The following PLAA variants were observed in gnomAD, a reference collection of about 807,000 sequenced individuals.
PLAA encodes phospholipase A2 activating protein, also known as phospholipase A-2-activating protein.
A neutral mutation model predicts 84.1 loss-of-function variants in PLAA; 48 were observed. The ratio of observed to expected loss-of-function variants is 0.57; its 90% CI spans 0.45 to 0.73. The LOEUF (loss-of-function observed/expected upper bound fraction) is 0.73. Among genes scored for constraint, PLAA ranks in the 30% least tolerant of loss-of-function variants. The pLI, the probability that PLAA is intolerant of heterozygous loss-of-function variation, is 0.00. For synonymous variants in PLAA, 392 were observed against 336.6 expected, an observed-to-expected ratio of 1.16 and a Z score of -1.80; for missense variants, 903 against 954.7, an observed-to-expected ratio of 0.95 and a Z score of 0.71.
rs1197939564 is a variant in PLAA, at chr9:26,905,826, T to A, written c.2073A>T (p.Lys691Asn). 6.2e-7 allele frequency: 1 copy of A among 1,614,204 alleles called. No individual in the cohort carries two copies. The highest frequency in any genetic ancestry group is 8.5e-7 in the Non-Finnish European group (1 of 1,180,028). The change falls in exon 14 of 14, where the codon AAA becomes AAT. Residue 691 changes from lysine to asparagine, a missense_variant. Physicochemically the swap from Lys to Asn is moderately conservative, Grantham distance 94. Transcript: ENST00000397292. ...TGTGAATGTTCTTATTGCTCCCTGATTTCAGTTCTATTGCATGGGACATCA... is the reference window on the plus strand; with the variant it reads ...TGTGAATGTTCTTATTGCTCCCTGAATTCAGTTCTATTGCATGGGACATCA... ...ESLMSHAIEL[K>N]SGSNKNIHIA...
chr9:26,946,940 A>T lies in PLAA; in HGVS notation c.106T>A (p.Ser36Thr), dbSNP rs1226150095. The change falls in exon 1 of 14, where the codon TCC becomes ACC. Residue 36 changes from serine to threonine, a missense_variant. Transcript: ENST00000397292. ...CCAYPPGAFV[S>T]VSRDRTTRLW... ...CGGGTGGTGCGGTCTCGGGACACGGACACAAAGGCTCCCGGCGGATAGGCG... is the reference window on the plus strand; with the variant it reads ...CGGGTGGTGCGGTCTCGGGACACGGTCACAAAGGCTCCCGGCGGATAGGCG... 6.3e-7 allele frequency: 1 copy of T among 1,585,574 alleles called. No homozygotes were observed. The highest frequency in any genetic ancestry group is 8.6e-7 in the Non-Finnish European group (1 of 1,165,726).
At chr9:26,929,286 T>C (rs1006090407) in intron 2 of PLAA, among the ~76,000 whole-genome samples, 2 of 152,022 alleles carry the variant, frequency 1.3e-5, no homozygotes, top group African/African-American at 4.8e-5. Context: ...GCTCAGGAGT[T>C]TGAGACCAGC....
chr9:26,936,302 T>C (rs1465470119), intron 1 of PLAA, among the ~76,000 whole-genome samples: 1 of 150,670 alleles, frequency 6.6e-6, no homozygotes, highest in Non-Finnish European at 1.5e-5. Context: ...TACAGAAAAG[T>C]AGTAAGGGCC....
At chr9:26,942,887 A>AAAAAG (rs1825585184) in intron 1 of PLAA, among the ~76,000 whole-genome samples, 1 of 151,538 alleles carries the variant, frequency 6.6e-6, no homozygotes, top group African/African-American at 2.4e-5. Context: ...CAAAAAAAAA[A>AAAAAG]AAAAAAAAAA....
At chr9:26,934,956 T>C in intron 2 of PLAA, 57 bp downstream of exon 2, 1 of 1,267,106 alleles carries the variant, frequency 7.9e-7, no homozygotes, top group South Asian at 1.4e-5. Flanking sequence ...ATGTAAATTT[T>C]ACTTTCAAAG....
intron 10 of PLAA, chr9:26,915,961 T>C (rs1457405226): frequency 2.6e-5 from 26 of 985,344 alleles, no homozygotes; most frequent in Admixed American, 6.1e-5. Context: ...TTCAGATCCT[T>C]ACTACCATTT....
At position 26,935,227 on chromosome 9, in the gene PLAA, A is replaced by G. The variant is rs772865761; in HGVS notation, c.150-21T>C. 4.7e-6 allele frequency: 7 copies of G among 1,478,326 alleles called. No individual in the cohort carries two copies. The East Asian group carries it at 1.5e-4, about 31-fold the overall frequency. The allele number at this position is 1,478,326 out of a possible 1,614,324, so 91.6% of individuals were successfully genotyped here. A position where few individuals can be genotyped will look rare whatever the true frequency, so the allele number is the denominator to read the frequency against. On this transcript the variant is annotated intron_variant, in intron 1 of 13. Transcript: ENST00000397292. ...TTGGACTGGAAAGACAAGATAATTA[A>G]TAGATACATATTCGTACCCTGACTT...
In PLAA at chr9:26,904,566, T is replaced by G. The variant is rs1177456950; in HGVS notation, c.*945A>C. 6 of 152,116 alleles carry G rather than the reference T, an allele frequency of 3.9e-5. No homozygotes were observed. Among genetic ancestry groups the G allele is most frequent in the Non-Finnish European group, 4.4e-5 (3 of 67,996 alleles). The allele number at this position is 152,116 out of a possible 1,614,324, so 9.4% of individuals were successfully genotyped here. ...TTATGTCTACTTCTGAAAGCAGAGA[T>G]AATACTGGCCCTCATTTAAAGGGGT... On this transcript the variant is annotated 3_prime_UTR_variant, in exon 14 of 14. Transcript: ENST00000397292.
At chr9:26,920,105 T>C in intron 8 of PLAA, 122 bp downstream of exon 8, 2 of 703,594 alleles carry the variant, frequency 2.8e-6, no homozygotes, top group Non-Finnish European at 4.6e-6. Context: ...AAGATTAGTT[T>C]CCCACAGTAA....
chr9:26,905,966 T>G lies in PLAA; in HGVS notation c.1933A>C (p.Asn645His). Reference protein sequence around the residue: ...EGAQFSSHLINLLNPKGKPAN... With the variant: ...EGAQFSSHLIHLLNPKGKPAN... The stretch of plus-strand genomic sequence containing the variant: ...GGCTTTCCTTTAGGGTTCAGAAGAT[T>G]GATAAGATGACTGCTGAACTGAGCC... Residue 645 changes from asparagine to histidine, a missense_variant, in exon 14 of 14, where the codon AAT becomes CAT. Coordinates refer to ENST00000397292, the MANE Select transcript of PLAA (RefSeq NM_001031689.3). The G allele has an allele frequency of 3.7e-6, 6 of 1,614,162 alleles. No individual in the cohort carries two copies. Among genetic ancestry groups the G allele is most frequent in the Non-Finnish European group, 5.1e-6 (6 of 1,180,012 alleles).
chr9:26,926,101 C>A (rs1824948822), intron 5 of PLAA, 141 bp from the exon 6 acceptor site: 1 of 671,722 alleles, frequency 1.5e-6, no homozygotes, highest in African/African-American at 1.8e-5. Flanking sequence ...TTGTCACTTA[C>A]AACATATACA....
intron 6 of PLAA, among the ~76,000 whole-genome samples, chr9:26,924,974 T>C (rs376871699): frequency 3.1e-4 from 47 of 152,344 alleles, no homozygotes; most frequent in South Asian, 2.1e-3. Context: ...GGTCATCACC[T>C]TCTGTACCCA....
At chr9:26,942,605 G>A (rs1026255852) in intron 1 of PLAA, among the ~76,000 whole-genome samples, 1 of 144,320 alleles carries the variant, frequency 6.9e-6, no homozygotes, top group Non-Finnish European at 1.6e-5. Flanking sequence ...CACGGAGGCC[G>A]GGCATGGTGG....
At position 26,947,002 on chromosome 9, in the gene PLAA, C is replaced by G. The variant is rs1326469185; in HGVS notation, c.44G>C (p.Arg15Pro). 6.3e-7 allele frequency: 1 copy of G among 1,594,224 alleles called. No individual in the cohort carries two copies. Among genetic ancestry groups the G allele is most frequent in the Admixed American group, 1.7e-5 (1 of 57,574 alleles). ...ATRYRLSCSL[R>P]GHELDVRGLV... ...GCCCCGTACGTCCAGCTCGTGGCCC[C>G]GGAGCGAGCAGCTCAGCCGGTACCT... The change falls in exon 1 of 14, where the codon CGG (arginine) becomes CCG (proline). Residue 15 changes from arginine to proline, a missense_variant. By Grantham distance (103) the Arg-to-Pro change is moderately radical (BLOSUM62 -2). Transcript: ENST00000397292.
At chr9:26,926,084 CAT>C (rs556075997) in intron 5 of PLAA, 124 bp from the exon 6 acceptor site, 87 of 740,842 alleles carry the variant, frequency 1.2e-4, no homozygotes, top group Middle Eastern at 6.8e-4. Context: ...TTTTAAATTT[CAT>C]ATGTTTGTCA....
chr9:26,937,936 A>C (rs1825413075), intron 1 of PLAA, among the ~76,000 whole-genome samples: 1 of 152,088 alleles, frequency 6.6e-6, no homozygotes, highest in African/African-American at 2.4e-5. Flanking sequence ...CAGCATACAG[A>C]TTGTGGCAGT....
At chr9:26,915,749 A>T (rs1211222192) in intron 10 of PLAA, 1 of 984,992 alleles carries the variant, frequency 1.0e-6, no homozygotes, top group Non-Finnish European at 1.2e-6. Context: ...TGAGTTACTG[A>T]CATTATGGAA....
At chr9:26,921,973 C>T (rs373192871) in intron 7 of PLAA, among the ~76,000 whole-genome samples, 17 of 152,210 alleles carry the variant, frequency 1.1e-4, no homozygotes, top group African/African-American at 3.6e-4. Context: ...TTTTCCTTGA[C>T]GGAACATGCT....
At chr9:26,906,452 A>T (rs1216243022) in intron 13 of PLAA, among the ~76,000 whole-genome samples, 1 of 132,054 alleles carries the variant, frequency 7.6e-6, no homozygotes, top group Non-Finnish European at 1.6e-5. Flanking sequence ...TTTTTGAGAC[A>T]GTTTCACTCC....
Sources: gnomAD v4.1 joint callset for allele counts (sites outside exome capture counted in the v4.1 genomes callset) on GRCh38, gnomAD v4.1.1 for gene constraint, MANE v1.5 for transcripts, NCBI Gene and HGNC (gene_info 2026-07-23, HGNC 2026-07-21) for gene names.